Variants in PIK3C2G observed in about 807,000 individuals in gnomAD.
PIK3C2G encodes the protein phosphatidylinositol-4-phosphate 3-kinase catalytic subunit type 2 gamma.
PIK3C2G carries 168 observed loss-of-function variants against 181.1 expected under a neutral mutation model. That is an observed-to-expected ratio of 0.93 (90% CI 0.82 to 1.05). The LOEUF (loss-of-function observed/expected upper bound fraction) is 1.05, where lower values mean the gene tolerates loss of function less well. Ranked by LOEUF, PIK3C2G falls within the 50% of genes least tolerant of loss-of-function variation. PIK3C2G has a pLI of 0.00. For synonymous variants in PIK3C2G, 573 were observed against 592.2 expected, an observed-to-expected ratio of 0.97 and a Z score of 0.47; for missense variants, 1,869 against 1,732.8, an observed-to-expected ratio of 1.08 and a Z score of -1.40.
At chr12:18,635,824 C>T (rs1193434749) in intron 31 of PIK3C2G, among the ~76,000 whole-genome samples, 1 of 152,174 alleles carries the variant, frequency 6.6e-6, no homozygotes, top group African/African-American at 2.4e-5. Flanking sequence ...GCCAGGCTAA[C>T]ACACCCAAAT....
At chr12:18,703,948 A>G in the PIK3C2G span, among the ~76,000 whole-genome samples, 1 of 152,350 alleles carries the variant, frequency 6.6e-6, no homozygotes, top group Non-Finnish European at 1.5e-5. Flanking sequence ...ACATGTCAAA[A>G]CCAAACTATT....
At chr12:18,447,341 G>T (rs1032401540) in intron 18 of PIK3C2G, among the ~76,000 whole-genome samples, 3 of 152,132 alleles carry the variant, frequency 2.0e-5, no homozygotes, top group Non-Finnish European at 4.4e-5. Flanking sequence ...ACAGATTTTT[G>T]TCCAGACAGA....
the PIK3C2G span, among the ~76,000 whole-genome samples, chr12:18,666,069 C>A: frequency 1.3e-5 from 2 of 151,706 alleles, no homozygotes; most frequent in Non-Finnish European, 1.5e-5. Context: ...ATGGTAATCT[C>A]CAGGTAAACC....
At chr12:18,518,671 C>CA (rs1462664358) in intron 24 of PIK3C2G, among the ~76,000 whole-genome samples, 22 of 151,742 alleles carry the variant, frequency 1.4e-4, no homozygotes, top group African/African-American at 4.8e-4. Flanking sequence ...TTAATTTTTT[C>CA]AAAAAACAAG....
the PIK3C2G span, among the ~76,000 whole-genome samples, chr12:18,690,237 C>G: frequency 1.2e-3 from 182 of 148,860 alleles, no homozygotes; most frequent in East Asian, 0.027. Context: ...TTGTTTGTTT[C>G]TTTGAGACGA....
chr12:18,659,551 C>G, the PIK3C2G span, among the ~76,000 whole-genome samples: 7 of 151,840 alleles, frequency 4.6e-5, no homozygotes, highest in Admixed American at 6.6e-5. Flanking sequence ...CAAGTTTTAT[C>G]AATTGTCTCA....
At chr12:18,336,260 T>C (rs1938523252) in intron 8 of PIK3C2G, among the ~76,000 whole-genome samples, 1 of 151,970 alleles carries the variant, frequency 6.6e-6, no homozygotes, top group Admixed American at 6.6e-5. Flanking sequence ...GAAGAGGGAG[T>C]CTAGGTACAT....
intron 8 of PIK3C2G, among the ~76,000 whole-genome samples, chr12:18,332,131 G>A (rs1396908523): frequency 6.6e-6 from 1 of 152,096 alleles, no homozygotes; most frequent in Non-Finnish European, 1.5e-5. Context: ...TGGCATAAGA[G>A]TAATGCTGGC....
chr12:18,569,344 T>G (rs1945805372), intron 29 of PIK3C2G, among the ~76,000 whole-genome samples: 1 of 151,918 alleles, frequency 6.6e-6, no homozygotes, highest in South Asian at 2.1e-4. Context: ...GATCACAGTT[T>G]CATCAGAGAT....
chr12:18,477,889 A>T (rs1039223867), intron 18 of PIK3C2G, among the ~76,000 whole-genome samples: 1 of 152,226 alleles, frequency 6.6e-6, no homozygotes, highest in African/African-American at 2.4e-5. Flanking sequence ...GTTCAAACAC[A>T]TGAATTGTTC....
chr12:18,326,584 T>G (rs1255567707), intron 8 of PIK3C2G, among the ~76,000 whole-genome samples: 3 of 152,168 alleles, frequency 2.0e-5, no homozygotes, highest in Non-Finnish European at 4.4e-5. Context: ...CTCCCTAAAG[T>G]GTAATCCTCT....
At chr12:18,414,780 T>G (rs1200122274) in intron 16 of PIK3C2G, among the ~76,000 whole-genome samples, 2 of 152,240 alleles carry the variant, frequency 1.3e-5, no homozygotes, top group East Asian at 3.8e-4. Flanking sequence ...AAAGAGCCCA[T>G]GTTGCAGGAA....
At chr12:18,356,734 G>A (rs753880762) in intron 11 of PIK3C2G, among the ~76,000 whole-genome samples, 5 of 152,208 alleles carry the variant, frequency 3.3e-5, no homozygotes, top group African/African-American at 7.2e-5. Flanking sequence ...ATCGCTGGCC[G>A]AAATCTTCTG....
rs114441349 is a variant in PIK3C2G at position 18,352,585 on chromosome 12, T to G, written c.1625+5749T>G. Among the ~76,000 whole-genome samples, 1,023 of 152,330 alleles carry G rather than the reference T, an allele frequency of 6.7e-3. 14 individuals are homozygous for G. Among genetic ancestry groups the G allele is most frequent in the African/African-American group, 0.024 (984 of 41,578 alleles). ...CTTTGCCATCCGCAGATGACTTAAG[T>G]GTTTAACAGCTCAGTGTGACAGCCC... On this transcript the variant is annotated intron_variant, in intron 11 of 32. Coordinates refer to ENST00000538779, the MANE Select transcript of PIK3C2G (RefSeq NM_001288772.2).
chr12:18,306,296 C>G (rs935979823), intron 5 of PIK3C2G, among the ~76,000 whole-genome samples: 12 of 152,040 alleles, frequency 7.9e-5, no homozygotes, highest in Admixed American at 3.3e-4. Flanking sequence ...ATTTATGTCC[C>G]ATACAGGATT....
the PIK3C2G span, among the ~76,000 whole-genome samples, chr12:18,695,317 A>C: frequency 1.3e-5 from 2 of 152,210 alleles, no homozygotes; most frequent in African/African-American, 4.8e-5. Context: ...CTTTGAGTAA[A>C]GAAATCAAAA....
chr12:18,440,292 C>T (rs7962033), intron 18 of PIK3C2G, among the ~76,000 whole-genome samples: 21,629 of 151,880 alleles, frequency 0.14, 1,749 homozygotes, highest in African/African-American at 0.21. Flanking sequence ...GAGCACCTTC[C>T]ATGAGTTAAG....
intron 7 of PIK3C2G, among the ~76,000 whole-genome samples, chr12:18,323,498 C>T (rs988538371): frequency 1.3e-5 from 2 of 152,174 alleles, no homozygotes; most frequent in Non-Finnish European, 2.9e-5. Context: ...GACCCTTCAC[C>T]CCTTATTTTT....
At position 18,562,822 on chromosome 12, in the gene PIK3C2G, C is replaced by T. The variant is rs950782237; in HGVS notation, c.3710C>T (p.Ser1237Phe). ...ACTTCACAGACTTTTCCTCAGGAAT[C>T]CTGTTTGCTGAGTACAACTAGGTCG... Reference protein sequence around the residue: ...KSTSQTFPQESCLLSTTRSIE... With the variant: ...KSTSQTFPQEFCLLSTTRSIE... The change falls in exon 27 of 33, where the codon TCC becomes TTC. Residue 1237 changes from serine to phenylalanine, a missense_variant. Ser to Phe is a radical substitution (Grantham distance 155). Transcript: ENST00000538779. 6.2e-7 allele frequency: 1 copy of T among 1,607,794 alleles called. No individual in the cohort carries two copies. The highest frequency in any genetic ancestry group is 8.5e-7 in the Non-Finnish European group (1 of 1,176,632).
Sources: allele counts gnomAD v4.1 joint callset (sites outside exome capture counted in the v4.1 genomes callset), GRCh38; gene constraint gnomAD v4.1.1; transcripts MANE v1.5; gene names NCBI Gene and HGNC (gene_info 2026-07-23, HGNC 2026-07-21).